Variants in NDST3 observed in about 807,000 individuals in gnomAD.
NDST3 encodes the protein bifunctional heparan sulfate N-deacetylase/N-sulfotransferase 3.
NDST3 carries 58 observed loss-of-function variants against 96.1 expected under a neutral mutation model. The observed-to-expected ratio is 0.60, with a 90% CI of 0.49 to 0.75. The LOEUF (loss-of-function observed/expected upper bound fraction) is 0.75, where lower values mean the gene tolerates loss of function less well. NDST3 is among the 30% of genes least tolerant of loss of function. NDST3 has a pLI of 0.00. For missense variants in NDST3, 788 were observed against 1,034.2 expected, an observed-to-expected ratio of 0.76 and a Z score of 3.27; for synonymous variants, 333 against 359.7, an observed-to-expected ratio of 0.93 and a Z score of 0.84.
chr4:118,127,558 C>T (rs1025039159), intron 4 of NDST3, among the ~76,000 whole-genome samples: 1 of 151,870 alleles, frequency 6.6e-6, no homozygotes, highest in African/African-American at 2.4e-5. Context: ...TATGTATCTG[C>T]CTATATGCCA....
chr4:118,233,768 T>C (rs1242560195), intron 9 of NDST3, among the ~76,000 whole-genome samples: 1 of 152,216 alleles, frequency 6.6e-6, no homozygotes, highest in African/African-American at 2.4e-5. Context: ...ATGTTAACCA[T>C]AAAATGTCTC....
In NDST3 at chr4:118,126,308, C is replaced by T. The variant is rs192470281; in HGVS notation, c.1224+11348C>T. 3.3e-3 allele frequency among the ~76,000 whole-genome samples: 504 copies of T among 152,046 alleles called. 2 individuals are homozygous for T. In the Middle Eastern group the frequency reaches 0.034, roughly 10 times the overall value. ...AGTTTCTGGTAGCCATCCTTCGACT[C>T]TCTATCTCCACGTGTTCAATTGTTT... On this transcript the variant is annotated intron_variant, in intron 4 of 13. Coordinates refer to ENST00000296499, the MANE Select transcript of NDST3 (RefSeq NM_004784.3).
intron 2 of NDST3, among the ~76,000 whole-genome samples, chr4:118,071,357 C>A (rs567789570): frequency 6.6e-6 from 1 of 152,194 alleles, no homozygotes. Flanking sequence ...TATTTCACCA[C>A]TCAGGAAATA....
At chr4:118,185,225 T>C (rs1736867211) in intron 6 of NDST3, among the ~76,000 whole-genome samples, 1 of 152,070 alleles carries the variant, frequency 6.6e-6, no homozygotes, top group South Asian at 2.1e-4. Flanking sequence ...ATTAATTATT[T>C]AATATGGAAG....
At chr4:118,086,160 TC>T (rs1728401014) in intron 2 of NDST3, among the ~76,000 whole-genome samples, 1 of 152,186 alleles carries the variant, frequency 6.6e-6, no homozygotes, top group Non-Finnish European at 1.5e-5. Context: ...AAATCTTCTG[TC>T]CCTTTCACGC....
intron 2 of NDST3, among the ~76,000 whole-genome samples, chr4:118,067,370 G>T (rs1726677375): frequency 6.6e-6 from 1 of 151,996 alleles, no homozygotes; most frequent in African/African-American, 2.4e-5. Flanking sequence ...GGAAGTAAAG[G>T]GAGAAAATAC....
At chr4:118,250,114 G>A (rs944451785) in intron 12 of NDST3, among the ~76,000 whole-genome samples, 1 of 152,086 alleles carries the variant, frequency 6.6e-6, no homozygotes, top group African/African-American at 2.4e-5. Flanking sequence ...ACCAGTTGAT[G>A]GACATGAGTA....
intron 6 of NDST3, among the ~76,000 whole-genome samples, chr4:118,161,614 T>A (rs886815749): frequency 2.0e-5 from 3 of 152,154 alleles, no homozygotes; most frequent in African/African-American, 4.8e-5. Flanking sequence ...CGCCTTGCAG[T>A]TTGATCTCAG....
intron 1 of NDST3, among the ~76,000 whole-genome samples, chr4:118,053,007 T>C (rs974727823): frequency 2.6e-5 from 4 of 151,930 alleles, no homozygotes; most frequent in South Asian, 2.1e-4. Context: ...GGAAATAGAA[T>C]GGTATAGAAA....
chr4:118,062,265 A>G (rs1725955060), intron 2 of NDST3, among the ~76,000 whole-genome samples: 1 of 152,322 alleles, frequency 6.6e-6, no homozygotes, highest in African/African-American at 2.4e-5. Context: ...CTTAAAAGAT[A>G]GTTTGGTTGA....
chr4:118,179,865 T>A (rs1736496473), intron 6 of NDST3, among the ~76,000 whole-genome samples: 1 of 152,120 alleles, frequency 6.6e-6, no homozygotes, highest in African/African-American at 2.4e-5. Flanking sequence ...TATATAATAA[T>A]CAAAGTACTA....
At chr4:118,154,392 G>T (rs530946715) in intron 6 of NDST3, among the ~76,000 whole-genome samples, 23 of 152,238 alleles carry the variant, frequency 1.5e-4, no homozygotes, top group African/African-American at 5.5e-4. Flanking sequence ...CTAATAAGAG[G>T]TTGCTAAATG....
intron 6 of NDST3, among the ~76,000 whole-genome samples, chr4:118,168,381 T>C (rs1286534401): frequency 6.6e-6 from 1 of 152,002 alleles, no homozygotes. Flanking sequence ...TCAATTTTTA[T>C]ATAAATTCAT....
intron 2 of NDST3, among the ~76,000 whole-genome samples, chr4:118,069,705 AT>A (rs1726890263): frequency 6.6e-6 from 1 of 151,986 alleles, no homozygotes; most frequent in African/African-American, 2.4e-5. Flanking sequence ...TCTTATTTGT[AT>A]TTGTAAGAAA....
intron 4 of NDST3, among the ~76,000 whole-genome samples, chr4:118,119,563 C>T (rs1202832911): frequency 6.6e-6 from 1 of 152,154 alleles, no homozygotes; most frequent in Non-Finnish European, 1.5e-5. Context: ...TTTAGAAAGA[C>T]ATTGGCCATT....
intron 4 of NDST3, among the ~76,000 whole-genome samples, chr4:118,131,254 TTTTGGTTTGGTTTGG>T (rs57523165): frequency 4.0e-5 from 6 of 150,572 alleles, no homozygotes; most frequent in East Asian, 2.0e-4. Context: ...TGCTATGTTG[TTTTGGTTTGGTTTGG>T]TTTGGTTTGG....
intron 2 of NDST3, among the ~76,000 whole-genome samples, chr4:118,059,572 G>A (rs1232197754): frequency 6.6e-6 from 1 of 152,062 alleles, no homozygotes; most frequent in Non-Finnish European, 1.5e-5. Context: ...GCTTGGGGCT[G>A]ACTGTGGGAA....
intron 11 of NDST3, 51 bp from the exon 12 acceptor site, chr4:118,241,989 T>A (rs1741037427): frequency 7.5e-7 from 1 of 1,326,960 alleles, no homozygotes; most frequent in African/African-American, 1.5e-5. Context: ...TTTTTCATTA[T>A]ACAGTTTACA....
chr4:118,124,574 G>T (rs1246760471), intron 4 of NDST3, among the ~76,000 whole-genome samples: 1 of 151,974 alleles, frequency 6.6e-6, no homozygotes, highest in African/African-American at 2.4e-5. Context: ...ACTCAAATCT[G>T]TGTTCTCCTA....
Sources: allele counts gnomAD v4.1 joint callset (sites outside exome capture counted in the v4.1 genomes callset), GRCh38; gene constraint gnomAD v4.1.1; transcripts MANE v1.5; gene names NCBI Gene and HGNC (gene_info 2026-07-23, HGNC 2026-07-21).